Variants in LRRC4C observed in about 807,000 individuals in gnomAD.
LRRC4C encodes the protein leucine-rich repeat-containing protein 4C.
Under a neutral mutation model 33.6 loss-of-function variants are expected in LRRC4C, and 5 were observed. That is an observed-to-expected ratio of 0.15 (90% CI 0.08 to 0.31). The LOEUF (loss-of-function observed/expected upper bound fraction) is 0.31. LRRC4C is among the 10% of genes least tolerant of loss of function. The pLI, the probability that LRRC4C is intolerant of heterozygous loss-of-function variation, is 1.00. For synonymous variants in LRRC4C, 329 were observed against 302.0 expected (o/e 1.09, Z -0.93); for missense variants, 560 against 796.7 (o/e 0.70, Z 3.58).
intron 1 of LRRC4C, among the ~76,000 whole-genome samples, chr11:41,047,882 C>T (rs1466584887): frequency 2.0e-5 from 3 of 152,118 alleles, no homozygotes; most frequent in Non-Finnish European, 4.4e-5. Context: ...ACACACACAT[C>T]CTATCCTTCT....
chr11:40,398,237 A>G (rs1192060838), intron 3 of LRRC4C, among the ~76,000 whole-genome samples: 2 of 152,112 alleles, frequency 1.3e-5, no homozygotes, highest in Non-Finnish European at 1.5e-5. Flanking sequence ...GATAAATGAA[A>G]AAATATAAAT....
chr11:41,418,852 G>T (rs1256768433), intron 1 of LRRC4C, among the ~76,000 whole-genome samples: 1 of 151,978 alleles, frequency 6.6e-6, no homozygotes, highest in Non-Finnish European at 1.5e-5. Flanking sequence ...ACAGAGTCTA[G>T]AATGCAATGG....
At position 41,418,955 on chromosome 11, in the gene LRRC4C, CAAAAATGTTTAGT is replaced by C. The variant is rs1434350899; in HGVS notation, c.-496+40463_-496+40475del. On this transcript the variant is annotated intron_variant, in intron 1 of 6. Coordinates refer to ENST00000528697, the MANE Select transcript of LRRC4C (RefSeq NM_001258419.2). ...AAAGCTGGTATGTGTTCATTCATTTCAAAAATGTTTAGTAAAAATATGTTTAGATATCTAATAT... is the reference window on the plus strand; with the variant it reads ...AAAGCTGGTATGTGTTCATTCATTTCAAAAATATGTTTAGATATCTAATAT... Among the ~76,000 whole-genome samples the C allele has an allele frequency of 2.0e-5, 3 of 151,534 alleles. No homozygotes were observed. The East Asian group carries it at 5.8e-4, about 29-fold the overall frequency.
intron 6 of LRRC4C, among the ~76,000 whole-genome samples, chr11:40,125,517 C>T (rs926020816): frequency 4.6e-5 from 7 of 151,800 alleles, no homozygotes; most frequent in Non-Finnish European, 1.0e-4. Context: ...TTACATGCAG[C>T]CAAACCTATC....
intron 1 of LRRC4C, among the ~76,000 whole-genome samples, chr11:41,304,413 C>T (rs1400986306): frequency 2.4e-5 from 2 of 84,436 alleles, no homozygotes; most frequent in African/African-American, 4.5e-5. Flanking sequence ...GTCAGCCCTC[C>T]GCCCGGCCAG....
chr11:41,279,426 A>ACCCCC (rs758334311), intron 1 of LRRC4C, among the ~76,000 whole-genome samples: 4 of 113,200 alleles, frequency 3.5e-5, no homozygotes, highest in East Asian at 6.7e-4. Flanking sequence ...ACACACACAC[A>ACCCCC]CACCGTGGCA....
chr11:41,337,891 CT>C (rs1336759159), intron 1 of LRRC4C, among the ~76,000 whole-genome samples: 1 of 152,078 alleles, frequency 6.6e-6, no homozygotes, highest in Non-Finnish European at 1.5e-5. Flanking sequence ...TGAACAGACA[CT>C]TCTCAAAAGA....
Position 41,045,320 on chromosome 11 carries a change from CT to C in LRRC4C, c.-495-111598del, listed in dbSNP as rs148867728. 5.1e-3 allele frequency among the ~76,000 whole-genome samples: 781 copies of C among 152,178 alleles called. 4 individuals are homozygous for C. The highest frequency in any genetic ancestry group is 0.018 in the African/African-American group (730 of 41,526). On this transcript the variant is annotated intron_variant, in intron 1 of 6. Coordinates refer to ENST00000528697, the MANE Select transcript of LRRC4C (RefSeq NM_001258419.2). ...TAGTTGGCATCAGAAGAGAATCACT[CT>C]TTCCTCTTATTTCCTTTTTACATCT...
chr11:40,662,216 T>C (rs541999654), intron 2 of LRRC4C, among the ~76,000 whole-genome samples: 6 of 152,258 alleles, frequency 3.9e-5, no homozygotes, highest in Admixed American at 6.5e-5. Flanking sequence ...TTTACTGAAA[T>C]GAAATGTCAA....
chr11:40,132,357 A>G (rs1856702885), intron 6 of LRRC4C, among the ~76,000 whole-genome samples: 2 of 152,310 alleles, frequency 1.3e-5, no homozygotes, highest in South Asian at 4.1e-4. Flanking sequence ...CCCTGGTAAC[A>G]GCAATCTTTG....
intron 2 of LRRC4C, among the ~76,000 whole-genome samples, chr11:40,811,490 T>A (rs778709526): frequency 2.0e-5 from 3 of 152,126 alleles, no homozygotes; most frequent in African/African-American, 4.8e-5. Context: ...TGAATTAATA[T>A]ATAAATGGCA....
chr11:41,080,651 C>T (rs953111606), intron 1 of LRRC4C, among the ~76,000 whole-genome samples: 1 of 152,104 alleles, frequency 6.6e-6, no homozygotes, highest in Non-Finnish European at 1.5e-5. Flanking sequence ...CCATCCCTGG[C>T]CTATCAGAAT....
chr11:40,457,265 G>C (rs1952181757), intron 3 of LRRC4C, among the ~76,000 whole-genome samples: 1 of 151,832 alleles, frequency 6.6e-6, no homozygotes, highest in Non-Finnish European at 1.5e-5. Context: ...AAGGCAGAAA[G>C]ATATTTTTAA....
At chr11:40,608,214 T>C (rs550835147) in intron 3 of LRRC4C, among the ~76,000 whole-genome samples, 1 of 152,282 alleles carries the variant, frequency 6.6e-6, no homozygotes, top group South Asian at 2.1e-4. Flanking sequence ...TAAATAACTA[T>C]ATTCAAAGCT....
intron 1 of LRRC4C, among the ~76,000 whole-genome samples, chr11:41,450,272 G>A (rs1012720528): frequency 3.9e-5 from 6 of 152,058 alleles, no homozygotes; most frequent in African/African-American, 1.2e-4. Flanking sequence ...CACTAAATAG[G>A]TGAGTCTCTG....
At chr11:40,473,718 C>T (rs565601095) in intron 3 of LRRC4C, among the ~76,000 whole-genome samples, 37 of 152,268 alleles carry the variant, frequency 2.4e-4, no homozygotes, top group African/African-American at 8.4e-4. Context: ...CGTCTCAGCC[C>T]AAAATCTCCT....
At chr11:40,265,322 T>A (rs1307456160) in intron 4 of LRRC4C, among the ~76,000 whole-genome samples, 1 of 152,232 alleles carries the variant, frequency 6.6e-6, no homozygotes, top group African/African-American at 2.4e-5. Context: ...CCGTGTCATT[T>A]TATTATTGCA....
At chr11:40,787,185 A>C (rs1950443554) in intron 2 of LRRC4C, among the ~76,000 whole-genome samples, 1 of 151,822 alleles carries the variant, frequency 6.6e-6, no homozygotes, top group African/African-American at 2.4e-5. Context: ...AGATTTATGA[A>C]TTTCTTTAGA....
chr11:40,401,489 C>G lies in LRRC4C; in HGVS notation c.-269-81768G>C, dbSNP rs1023211201. Among the ~76,000 whole-genome samples, 12 of 152,226 alleles carry G rather than the reference C, an allele frequency of 7.9e-5. No individual in the cohort carries two copies. The South Asian group carries it at 1.0e-3, about 13-fold the overall frequency. ...TACCTTTGGTAATTGGCCTTGTTGA[C>G]AGAAGCAGCCAACATTCTGTATTAG... On this transcript the variant is annotated intron_variant, in intron 3 of 6. Coordinates refer to ENST00000528697, the MANE Select transcript of LRRC4C (RefSeq NM_001258419.2).
Sources: allele counts gnomAD v4.1 joint callset (sites outside exome capture counted in the v4.1 genomes callset), GRCh38; gene constraint gnomAD v4.1.1; transcripts MANE v1.5; gene names NCBI Gene and HGNC (gene_info 2026-07-23, HGNC 2026-07-21).